The following TAOK1 variants were observed in gnomAD, a reference collection of about 807,000 sequenced individuals.
TAOK1 encodes TAO kinase 1, also known as serine/threonine-protein kinase TAO1.
TAOK1 carries 21 observed loss-of-function variants against 138.3 expected under a neutral mutation model. The observed-to-expected ratio is 0.15, with a 90% CI of 0.11 to 0.22. TAOK1 has a LOEUF of 0.22. TAOK1 is among the 10% of genes least tolerant of loss of function. The probability of loss-of-function intolerance (pLI) is 1.00; values close to 1 mark genes in which losing one functional copy is unlikely to be tolerated. For missense variants in TAOK1, 651 were observed against 1,227.7 expected (o/e 0.53, Z 7.02); for synonymous variants, 361 against 398.4 (o/e 0.91, Z 1.12).
chr17:29,472,179 T>C (rs946166609), intron 3 of TAOK1, among the ~76,000 whole-genome samples: 2 of 152,166 alleles, frequency 1.3e-5, no homozygotes, highest in African/African-American at 4.8e-5. Flanking sequence ...GAATGAATTA[T>C]TTCCAGAAGA....
rs71138832 is a variant in TAOK1 at position 29,534,928 on chromosome 17, GGTGTGTGTGTGTGTGTGT to G, written c.2544+647_2544+664del. 5.4e-5 allele frequency among the ~76,000 whole-genome samples: 8 copies of G among 147,322 alleles called. No homozygotes were observed. In the East Asian group the frequency reaches 1.2e-3, roughly 22 times the overall value. ...AAATTTCCATCCTTCAGGATACTAA[GGTGTGTGTGTGTGTGTGT>G]GTGTGTGTGTGTGTGTGTATTAGGG... is the stretch of plus-strand genomic sequence containing the variant. On this transcript the variant is annotated intron_variant, in intron 19 of 19. Transcript: ENST00000261716.
chr17:29,427,659 G>A (rs984543193), intron 1 of TAOK1, among the ~76,000 whole-genome samples: 20 of 151,974 alleles, frequency 1.3e-4, no homozygotes, highest in African/African-American at 4.3e-4. Context: ...AGGCGTAGTG[G>A]CTCACGCCTG....
At chr17:29,531,032 G>A (rs1220442309) in intron 18 of TAOK1, among the ~76,000 whole-genome samples, 1 of 140,784 alleles carries the variant, frequency 7.1e-6, no homozygotes, top group Non-Finnish European at 1.5e-5. Context: ...CGCGATCTCG[G>A]CTCACTGCAA....
At position 29,542,595 on chromosome 17, in the gene TAOK1, G is replaced by A. The variant is rs2150779478; in HGVS notation, c.2579G>A (p.Arg860His). The stretch of plus-strand genomic sequence containing the variant: ...GAGATGTTGGCTTTGCAGAATGAGC[G>A]CACAGAACGAATACGAAGCCTGTTG... ...EEEMLALQNE[R>H]TERIRSLLER... The change falls in exon 20 of 20, where the codon CGC becomes CAC. Residue 860 changes from arginine to histidine, a missense_variant. Around this residue, in one of 8 missense-constraint regions of TAOK1, gnomAD observed 258 missense variants for 548.9 expected, o/e 0.47. Transcript: ENST00000261716. 2 of 1,612,502 alleles carry A rather than the reference G, an allele frequency of 1.2e-6. No individual in the cohort carries two copies. Among genetic ancestry groups the A allele is most frequent in the Non-Finnish European group, 8.5e-7 (1 of 1,179,000 alleles).
In TAOK1 at chr17:29,508,273, T is replaced by C. The variant is rs990863220; in HGVS notation, c.1575+141T>C. 4 of 687,504 alleles carry C rather than the reference T, an allele frequency of 5.8e-6. 1 individual carries two copies. The South Asian group carries it at 7.5e-5, about 13-fold the overall frequency. 42.6% of individuals were successfully genotyped at this position (687,504 alleles called of 1,614,324 possible). A position where few individuals can be genotyped will look rare whatever the true frequency, so the allele number is the denominator to read the frequency against. On this transcript the variant is annotated intron_variant, in intron 14 of 19. Transcript: ENST00000261716. ...AAAGGAGAAGCATTTATGTGACTTA[T>C]ATAAAGGTTTCTGTAAATTGATATT...
intron 17 of TAOK1, among the ~76,000 whole-genome samples, chr17:29,526,819 TAAAAAAAAAAA>T (rs71138830): frequency 7.1e-4 from 36 of 50,946 alleles, no homozygotes; most frequent in African/African-American, 1.4e-3. Flanking sequence ...TCTCATCTCT[TAAAAAAAAAAA>T]AAAAAAAAAA....
intron 13 of TAOK1, among the ~76,000 whole-genome samples, chr17:29,503,839 G>A (rs1250819352): frequency 6.6e-6 from 1 of 151,986 alleles, no homozygotes; most frequent in Admixed American, 6.6e-5. Context: ...GGTGGGGTGC[G>A]GTAGCTCACA....
chr17:29,462,617 G>T (rs892886926), intron 2 of TAOK1, among the ~76,000 whole-genome samples: 4 of 152,142 alleles, frequency 2.6e-5, no homozygotes, highest in Non-Finnish European at 4.4e-5. Flanking sequence ...TAGCAGGTTT[G>T]CAAGTTTTAT....
intron 1 of TAOK1, among the ~76,000 whole-genome samples, chr17:29,449,972 T>G (rs1480473154): frequency 2.0e-5 from 3 of 152,226 alleles, no homozygotes; most frequent in Non-Finnish European, 4.4e-5. Context: ...CTCTATGCTT[T>G]CATTTATTAA....
rs1188649941 is a variant in TAOK1, at chr17:29,548,814, G to C, written c.*5792G>C. The C allele has an allele frequency of 6.6e-6, 1 of 152,154 alleles. No individual in the cohort carries two copies. Among genetic ancestry groups the C allele is most frequent in the African/African-American group, 2.4e-5 (1 of 41,438 alleles). 9.4% of individuals were successfully genotyped at this position (152,154 alleles called of 1,614,324 possible). A position where few individuals can be genotyped will look rare whatever the true frequency, so the allele number is the denominator to read the frequency against. On this transcript the variant is annotated 3_prime_UTR_variant, in exon 20 of 20. Coordinates refer to ENST00000261716, the MANE Select transcript of TAOK1 (RefSeq NM_020791.4). ...TAGAGAGAAGTTGCTGTCATTACCA[G>C]TTGTGGTCCTAGCATCTAACCCTGA... is the stretch of plus-strand genomic sequence containing the variant.
chr17:29,487,082 C>G (rs1367858956), intron 8 of TAOK1, among the ~76,000 whole-genome samples: 1 of 151,882 alleles, frequency 6.6e-6, no homozygotes, highest in Non-Finnish European at 1.5e-5. Context: ...AACCCCGTCT[C>G]TACTAAAAAT....
At chr17:29,496,843 C>T (rs1014142603) in intron 11 of TAOK1, among the ~76,000 whole-genome samples, 1 of 152,046 alleles carries the variant, frequency 6.6e-6, no homozygotes, top group Non-Finnish European at 1.5e-5. Context: ...GCCTCAGCCT[C>T]CCAAAGTGCT....
chr17:29,443,237 G>A (rs1034869052), intron 1 of TAOK1, among the ~76,000 whole-genome samples: 21 of 152,168 alleles, frequency 1.4e-4, no homozygotes, highest in African/African-American at 4.8e-4. Flanking sequence ...GTTCTTAAAA[G>A]ATGGAATACT....
intron 6 of TAOK1, among the ~76,000 whole-genome samples, chr17:29,479,631 G>A (rs990211784): frequency 1.3e-5 from 2 of 152,040 alleles, no homozygotes; most frequent in African/African-American, 2.4e-5. Context: ...GATTCACTTC[G>A]TGTTATGCTC....
chr17:29,400,267 G>A (rs924683432), intron 1 of TAOK1, among the ~76,000 whole-genome samples: 1 of 151,518 alleles, frequency 6.6e-6, no homozygotes, highest in African/African-American at 2.4e-5. Context: ...GGTAGTGGGC[G>A]CCTGTAATCC....
At chr17:29,405,790 GAC>G (rs1487066267) in intron 1 of TAOK1, among the ~76,000 whole-genome samples, 1 of 152,024 alleles carries the variant, frequency 6.6e-6, no homozygotes, top group Non-Finnish European at 1.5e-5. Flanking sequence ...GAAAAAAAAA[GAC>G]AACCAGTTTA....
intron 1 of TAOK1, among the ~76,000 whole-genome samples, chr17:29,398,137 G>A (rs1904721497): frequency 1.3e-5 from 2 of 152,100 alleles, no homozygotes; most frequent in Admixed American, 1.3e-4. Context: ...CCAAAGAGCT[G>A]GGATTACAGG....
At chr17:29,424,436 CAAAAAAAAAA>C (rs781589064) in intron 1 of TAOK1, among the ~76,000 whole-genome samples, 14 of 72,008 alleles carry the variant, frequency 1.9e-4, no homozygotes, top group Admixed American at 3.5e-4. Context: ...GACTCCCTCT[CAAAAAAAAAA>C]AAAAAAAAAA....
intron 1 of TAOK1, among the ~76,000 whole-genome samples, chr17:29,428,662 A>G (rs768625006): frequency 6.6e-6 from 1 of 152,044 alleles, no homozygotes; most frequent in African/African-American, 2.4e-5. Context: ...TTGAGACAAG[A>G]TCTGGCTGTT....
Sources: gnomAD v4.1 joint callset for allele counts (sites outside exome capture counted in the v4.1 genomes callset) on GRCh38, gnomAD v4.1.1 for gene constraint, gnomAD v4.1.1 regional missense constraint, MANE v1.5 for transcripts, NCBI Gene and HGNC (gene_info 2026-07-23, HGNC 2026-07-21) for gene names.